The following MID1 variants were observed in gnomAD, a reference collection of about 807,000 sequenced individuals.
MID1 encodes E3 ubiquitin-protein ligase Midline-1.
Under a neutral mutation model 40.4 loss-of-function variants are expected in MID1, and 7 were observed. That is an observed-to-expected ratio of 0.17 (90% confidence interval 0.10 to 0.33). The LOEUF is 0.33. MID1 is among the 10% of genes least tolerant of loss of function. The pLI is 1.00. For missense variants in MID1, 367 were observed against 558.5 expected, an observed-to-expected ratio of 0.66 and a Z score of 3.46; for synonymous variants, 229 against 221.2, an observed-to-expected ratio of 1.04 and a Z score of -0.31.
At chrX:10,589,950 G>A (rs988107818) in intron 1 of MID1, 6 of 109,507 alleles carry the variant, frequency 5.5e-5, no homozygotes, top group African/African-American at 2.0e-4. Context: ...CCTGTCTCAA[G>A]AGCCGAGCTC....
chrX:10,832,229 G>A (rs770408496), intron 1 of MID1, among the ~76,000 whole-genome samples: 13 of 112,342 alleles, frequency 1.2e-4, no homozygotes, highest in Non-Finnish European at 2.4e-4. Context: ...GTGTCCTTGC[G>A]AAAGTTATGC....
At chrX:10,694,182 G>T (rs1209194217) in intron 1 of MID1, among the ~76,000 whole-genome samples, 1 of 112,045 alleles carries the variant, frequency 8.9e-6, no homozygotes, top group Non-Finnish European at 1.9e-5. Context: ...CTCTCTGGGG[G>T]AGTTTCATGG....
chrX:10,477,162 G>A (rs1302753976), intron 5 of MID1, among the ~76,000 whole-genome samples: 1 of 112,547 alleles, frequency 8.9e-6, no homozygotes, highest in African/African-American at 3.2e-5. Context: ...CTGAGCTACT[G>A]GGAAACAAGC....
intron 8 of MID1, among the ~76,000 whole-genome samples, chrX:10,458,146 T>G (rs1344219906): frequency 8.9e-6 from 1 of 112,665 alleles, no homozygotes; most frequent in African/African-American, 3.2e-5. Flanking sequence ...CTCAAACATA[T>G]CTTTTGAAGG....
At chrX:10,758,591 T>C (rs1437119946) in intron 1 of MID1, among the ~76,000 whole-genome samples, 1 of 101,900 alleles carries the variant, frequency 9.8e-6, no homozygotes, top group East Asian at 3.4e-4. Context: ...CCCAGGTTCA[T>C]GCCATTCTCC....
At chrX:10,619,025 G>C (rs188751098) in intron 1 of MID1, among the ~76,000 whole-genome samples, 153 of 111,703 alleles carry the variant, frequency 1.4e-3, no homozygotes, top group African/African-American at 4.9e-3. Flanking sequence ...CCCTACCAAG[G>C]CAAGGGCAAT....
At chrX:10,495,974 T>C (rs1168851579) in intron 3 of MID1, among the ~76,000 whole-genome samples, 1 of 112,267 alleles carries the variant, frequency 8.9e-6, no homozygotes, top group East Asian at 2.8e-4. Context: ...TACCAATTAG[T>C]TGGAAAATGA....
At chrX:10,630,049 A>G (rs992908370) in intron 1 of MID1, among the ~76,000 whole-genome samples, 5 of 112,047 alleles carry the variant, frequency 4.5e-5, no homozygotes, top group Admixed American at 9.4e-5. Context: ...TTTATGGACT[A>G]CAGCTATAAC....
intron 1 of MID1, among the ~76,000 whole-genome samples, chrX:10,650,358 C>T (rs1401938419): frequency 2.7e-5 from 3 of 110,224 alleles, no homozygotes; most frequent in Non-Finnish European, 3.8e-5. Context: ...TCCCTCCCCG[C>T]AACTTGCCCC....
chrX:10,474,783 G>A (rs764576464), intron 5 of MID1, 33 bp from the exon 6 acceptor site: 26 of 1,186,317 alleles, frequency 2.2e-5, no homozygotes, highest in Admixed American at 4.4e-5. Flanking sequence ...TTTCAGAAAT[G>A]TCAAGATGAC....
At chrX:10,806,693 G>A (rs1391308139) in intron 1 of MID1, among the ~76,000 whole-genome samples, 1 of 111,781 alleles carries the variant, frequency 8.9e-6, no homozygotes. Context: ...TTTCTATCAG[G>A]GCACTTAAGT....
chrX:10,817,768 C>T (rs147659825), intron 1 of MID1, among the ~76,000 whole-genome samples: 128 of 108,468 alleles, frequency 1.2e-3, no homozygotes, highest in Middle Eastern at 4.7e-3. Context: ...TACAGGCGTG[C>T]GCCACCACGC....
intron 3 of MID1, among the ~76,000 whole-genome samples, chrX:10,516,621 C>T (rs997315963): frequency 4.2e-5 from 4 of 95,857 alleles, no homozygotes; most frequent in East Asian, 3.2e-4. Context: ...CGCGCGCGCA[C>T]GCGTGTGTTT....
Position 10,567,369 on chromosome X carries a change from C to T in MID1, c.179G>A (p.Arg60Gln), listed in dbSNP as rs759189233. 2 of 1,197,698 alleles carry T rather than the reference C, an allele frequency of 1.7e-6. No individual in the cohort carries two copies. The highest frequency in any genetic ancestry group is 2.2e-5 in the Admixed American group (1 of 45,287). ...TCGCTGGCTGAGGGTGATGACATGC[C>T]GGCAGGTGGGGCACTGGAAGGCGGT... The part of the protein sequence containing the change: ...SITAFQCPTC[R>Q]HVITLSQRGL... Residue 60 changes from arginine to glutamine, a missense_variant, in exon 2 of 10, where the codon CGG becomes CAG. This residue lies in a region of MID1 where 78 missense variants were observed against 112.6 expected (regional missense o/e 0.69). Transcript: ENST00000317552.
At chrX:10,565,182 T>C (rs1410708769) in intron 2 of MID1, 1 of 329,656 alleles carries the variant, frequency 3.0e-6, no homozygotes, top group East Asian at 9.7e-5. Flanking sequence ...TCAGCGGCTG[T>C]CTTCTGTTGT....
At chrX:10,811,142 T>G (rs2044097388) in intron 1 of MID1, among the ~76,000 whole-genome samples, 1 of 111,834 alleles carries the variant, frequency 8.9e-6, no homozygotes, top group South Asian at 3.8e-4. Context: ...CATCATCTTT[T>G]CAGTGTGGCT....
At chrX:10,679,946 G>A (rs2043048092) in intron 1 of MID1, among the ~76,000 whole-genome samples, 1 of 112,311 alleles carries the variant, frequency 8.9e-6, no homozygotes, top group South Asian at 3.7e-4. Context: ...TATTCTTTAT[G>A]AGAAGGTGAC....
At chrX:10,655,743 G>A (rs764931254) in intron 1 of MID1, among the ~76,000 whole-genome samples, 11 of 110,852 alleles carry the variant, frequency 9.9e-5, no homozygotes, top group Non-Finnish European at 2.1e-4. Flanking sequence ...CTCGCTGGCC[G>A]CTGGGAACCT....
At chrX:10,784,883 A>C (rs1225089126) in intron 1 of MID1, among the ~76,000 whole-genome samples, 1 of 111,380 alleles carries the variant, frequency 9.0e-6, no homozygotes, top group South Asian at 3.8e-4. Context: ...TGAATGAGCA[A>C]AAACTGGAAG....
Sources: gnomAD v4.1 joint callset for allele counts (sites outside exome capture counted in the v4.1 genomes callset) on GRCh38, gnomAD v4.1.1 for gene constraint, gnomAD v4.1.1 regional missense constraint, MANE v1.5 for transcripts, NCBI Gene and HGNC (gene_info 2026-07-23, HGNC 2026-07-21) for gene names.